Variants in NSMAF observed in about 807,000 individuals in gnomAD.
The protein encoded by NSMAF is neutral sphingomyelinase activation associated factor.
NSMAF carries 90 observed loss-of-function variants against 134.9 expected under a neutral mutation model. The ratio of observed to expected loss-of-function variants is 0.67; its 90% confidence interval spans 0.56 to 0.79. The LOEUF is 0.79. NSMAF is among the 30% of genes least tolerant of loss of function. NSMAF has a pLI of 0.00. For missense variants in NSMAF, 1,010 were observed against 1,119.0 expected, an observed-to-expected ratio of 0.90 and a Z score of 1.39; for synonymous variants, 358 against 389.6, an observed-to-expected ratio of 0.92 and a Z score of 0.96.
rs571859023 is a variant in NSMAF, at chr8:58,584,044, A to G, written c.*62T>C. ...ATTGCACATTCACCAGTCCGTTTAAAAGTTTGGTTTAAAAATGCATTAAAT... is the reference window on the plus strand; with the variant it reads ...ATTGCACATTCACCAGTCCGTTTAAGAGTTTGGTTTAAAAATGCATTAAAT... On this transcript the variant is annotated 3_prime_UTR_variant, in exon 31 of 31. Coordinates refer to ENST00000038176, the MANE Select transcript of NSMAF (RefSeq NM_003580.4). 1.6e-6 allele frequency: 2 copies of G among 1,259,056 alleles called. No homozygotes were observed. 78.0% of individuals were successfully genotyped at this position (1,259,056 alleles called of 1,614,324 possible).
intron 1 of NSMAF, among the ~76,000 whole-genome samples, chr8:58,644,984 G>C (rs1378587439): frequency 3.3e-5 from 5 of 151,972 alleles, no homozygotes; most frequent in Non-Finnish European, 5.9e-5. Flanking sequence ...GCTAGAGGAG[G>C]GATAGCATTA....
chr8:58,617,676 G>C (rs1259550826), intron 9 of NSMAF, among the ~76,000 whole-genome samples: 1 of 152,192 alleles, frequency 6.6e-6, no homozygotes, highest in Admixed American at 6.5e-5. Context: ...TACTGGAGAG[G>C]ATGTGGAGAA....
In NSMAF at chr8:58,601,560, A is replaced by AAG. The variant is rs57177969; in HGVS notation, c.1126-26_1126-25insCT. 5.1e-6 allele frequency: 8 copies of AAG among 1,575,248 alleles called. No individual in the cohort carries two copies. The African/African-American group carries it at 8.3e-5, about 16-fold the overall frequency. On this transcript the variant is annotated intron_variant, in intron 14 of 30. Coordinates refer to ENST00000038176, the MANE Select transcript of NSMAF (RefSeq NM_003580.4). ...TCTAGAATACAGAAAAAAAAAAAAA[A>AAG]TAGAGCTAAGTGTTGGCTATGAAAT...
intron 9 of NSMAF, among the ~76,000 whole-genome samples, chr8:58,620,921 A>G (rs1396724031): frequency 6.6e-6 from 1 of 152,076 alleles, no homozygotes; most frequent in African/African-American, 2.4e-5. Context: ...ACAAGTTCCT[A>G]CTCTCAAAGA....
chr8:58,603,327 G>T lies in NSMAF; in HGVS notation c.928C>A (p.Leu310Ile). The T allele has an allele frequency of 6.2e-7, 1 of 1,614,154 alleles. No homozygotes were observed. The highest frequency in any genetic ancestry group is 8.5e-7 in the Non-Finnish European group (1 of 1,180,020). Reference protein sequence around the residue: ...SYMLQWQRGHLSNYQYLLHLN... With the variant: ...SYMLQWQRGHISNYQYLLHLN... ...TGAAGGAGGTACTGATAGTTGGAAAGGTGTCCACGCTGCCACTGCAGCATG... is the reference window on the plus strand; with the variant it reads ...TGAAGGAGGTACTGATAGTTGGAAATGTGTCCACGCTGCCACTGCAGCATG... Residue 310 changes from leucine to isoleucine, a missense_variant, in exon 13 of 31, where the codon CTT becomes ATT. Coordinates refer to ENST00000038176, the MANE Select transcript of NSMAF (RefSeq NM_003580.4).
chr8:58,586,373 T>C, intron 28 of NSMAF, 85 bp downstream of exon 28: 1 of 1,326,368 alleles, frequency 7.5e-7, no homozygotes, highest in Non-Finnish European at 1.1e-6. Context: ...GTAAGTTTTA[T>C]TGTTTATTTC....
At chr8:58,643,617 C>T (rs1438827375) in intron 1 of NSMAF, among the ~76,000 whole-genome samples, 4 of 151,948 alleles carry the variant, frequency 2.6e-5, no homozygotes, top group Admixed American at 6.6e-5. Context: ...AAGTAACCTC[C>T]ACCTCCCGGG....
chr8:58,650,097 A>C (rs7820921), intron 1 of NSMAF, among the ~76,000 whole-genome samples: 80,486 of 151,970 alleles, frequency 0.53, 22,721 homozygotes, highest in African/African-American at 0.73. Context: ...CTTGGGTACC[A>C]TTTGCATCTT....
chr8:58,659,706 C>G lies in NSMAF; in HGVS notation c.-75G>C. ...GCCTGCCGAGGAGGTCCGGAGGAGC[C>G]GGGGAGGGCGGGATTGGTGGCCGGC... On this transcript the variant is annotated 5_prime_UTR_variant, in exon 1 of 31. Coordinates refer to ENST00000038176, the MANE Select transcript of NSMAF (RefSeq NM_003580.4). The G allele has an allele frequency of 8.3e-7, 1 of 1,205,694 alleles. No homozygotes were observed. Among genetic ancestry groups the G allele is most frequent in the Non-Finnish European group, 1.1e-6 (1 of 936,114 alleles). The allele number at this position is 1,205,694 out of a possible 1,614,324, so 74.7% of individuals were successfully genotyped here.
intron 9 of NSMAF, among the ~76,000 whole-genome samples, chr8:58,611,615 T>C (rs1437908501): frequency 6.6e-6 from 1 of 151,806 alleles, no homozygotes; most frequent in African/African-American, 2.4e-5. Flanking sequence ...AATATAGGAA[T>C]AAAAATGTTG....
intron 12 of NSMAF, among the ~76,000 whole-genome samples, chr8:58,604,282 C>G (rs965666854): frequency 2.0e-4 from 31 of 152,088 alleles, no homozygotes; most frequent in African/African-American, 7.5e-4. Context: ...TCAGTGAGAA[C>G]TGACAGTTTC....
chr8:58,585,878 C>T lies in NSMAF; in HGVS notation c.2549+20G>A, dbSNP rs1362503687. 4 of 1,604,372 alleles carry T rather than the reference C, an allele frequency of 2.5e-6. No homozygotes were observed. The highest frequency in any genetic ancestry group is 2.7e-5 in the African/African-American group (2 of 74,834). ...ACATGTCTGTAAATGTCTTCGCCCCCAGTAACTCACAAACTATACCTCTGG... is the reference window on the plus strand; with the variant it reads ...ACATGTCTGTAAATGTCTTCGCCCCTAGTAACTCACAAACTATACCTCTGG... On this transcript the variant is annotated intron_variant, in intron 29 of 30. Transcript: ENST00000038176.
intron 2 of NSMAF, among the ~76,000 whole-genome samples, chr8:58,638,454 C>T (rs971375969): frequency 6.7e-6 from 1 of 150,210 alleles, no homozygotes; most frequent in Non-Finnish European, 1.5e-5. Flanking sequence ...CTGTACAGAC[C>T]AATGGAACAC....
At chr8:58,655,441 C>G (rs1041607918) in intron 1 of NSMAF, among the ~76,000 whole-genome samples, 1 of 151,460 alleles carries the variant, frequency 6.6e-6, no homozygotes, top group Non-Finnish European at 1.5e-5. Context: ...ACTGTGTCAC[C>G]CAGGCTGGGG....
At chr8:58,637,712 T>C (rs1807234747) in intron 2 of NSMAF, among the ~76,000 whole-genome samples, 1 of 151,934 alleles carries the variant, frequency 6.6e-6, no homozygotes, top group Non-Finnish European at 1.5e-5. Flanking sequence ...CAATGATCTA[T>C]CCAAAAAAGA....
At chr8:58,620,275 G>C (rs1420597379) in intron 9 of NSMAF, among the ~76,000 whole-genome samples, 2 of 152,176 alleles carry the variant, frequency 1.3e-5, no homozygotes, top group Admixed American at 6.5e-5. Flanking sequence ...GCAACAGCCA[G>C]GTGCAGAGAA....
At chr8:58,623,655 A>G in intron 7 of NSMAF, 54 bp downstream of exon 7, 1 of 1,475,668 alleles carries the variant, frequency 6.8e-7, no homozygotes, top group Non-Finnish European at 9.4e-7. Flanking sequence ...CGAAATTTAT[A>G]AAAACAGTTT....
chr8:58,591,149 A>C (rs1806012603), intron 23 of NSMAF: 1 of 375,484 alleles, frequency 2.7e-6, no homozygotes, highest in Non-Finnish European at 4.5e-6. Context: ...CAAAAACATC[A>C]ATTTAAAAAT....
At chr8:58,595,080 C>G (rs534512727) in intron 22 of NSMAF, among the ~76,000 whole-genome samples, 1 of 152,240 alleles carries the variant, frequency 6.6e-6, no homozygotes, top group South Asian at 2.1e-4. Flanking sequence ...ATCTCTGGGT[C>G]CAACAGCAAG....
Sources: allele counts gnomAD v4.1 joint callset (sites outside exome capture counted in the v4.1 genomes callset), GRCh38; gene constraint gnomAD v4.1.1; transcripts MANE v1.5; gene names NCBI Gene and HGNC (gene_info 2026-07-23, HGNC 2026-07-21).